GPHN: variants seen among roughly 807,000 people sequenced by gnomAD.
GPHN encodes the protein gephyrin.
In GPHN, 17 loss-of-function variants were observed where a neutral mutation model predicts 95.5. The observed-to-expected ratio is 0.18, with a 90% confidence interval of 0.12 to 0.27. The LOEUF (loss-of-function observed/expected upper bound fraction) is 0.27. GPHN is among the 10% of genes least tolerant of loss of function. GPHN has a pLI of 1.00. For missense variants in GPHN, 660 were observed against 978.1 expected (o/e 0.67, Z 4.34); for synonymous variants, 320 against 322.5 (o/e 0.99, Z 0.08).
chr14:67,019,853 A>G (rs1260595599), intron 9 of GPHN, among the ~76,000 whole-genome samples: 2 of 152,174 alleles, frequency 1.3e-5, no homozygotes, highest in African/African-American at 4.8e-5. Flanking sequence ...TAAAATAAGC[A>G]TGGTGATGGG....
At chr14:66,591,941 A>G (rs1203892154) in intron 1 of GPHN, among the ~76,000 whole-genome samples, 3 of 152,230 alleles carry the variant, frequency 2.0e-5, no homozygotes, top group Admixed American at 1.3e-4. Flanking sequence ...ACAGCATGTT[A>G]CTGGTACCAA....
chr14:67,422,902 G>A, the GPHN span, among the ~76,000 whole-genome samples: 345 of 149,820 alleles, frequency 2.3e-3, 2 homozygotes, highest in African/African-American at 8.2e-3. Context: ...TGCAATCTTG[G>A]CTCACTGCAA....
At chr14:67,575,001 G>A in the GPHN span, among the ~76,000 whole-genome samples, 9 of 152,180 alleles carry the variant, frequency 5.9e-5, no homozygotes. Flanking sequence ...CTTCGCCCGT[G>A]TGCAGCTTCT....
intron 4 of GPHN, among the ~76,000 whole-genome samples, chr14:66,828,099 T>C (rs903448423): frequency 3.3e-5 from 5 of 151,976 alleles, no homozygotes; most frequent in Admixed American, 1.3e-4. Context: ...ATTTACCTGA[T>C]TGTGAATAAC....
intron 2 of GPHN, among the ~76,000 whole-genome samples, chr14:66,747,611 TAA>T (rs35180294): frequency 5.4e-4 from 78 of 144,820 alleles, no homozygotes; most frequent in Admixed American, 8.2e-4. Context: ...TAGTACATTG[TAA>T]AAAAAAAAAA....
At chr14:67,533,173 A>T in the GPHN span, 1 of 151,178 alleles carries the variant, frequency 6.6e-6, no homozygotes, top group African/African-American at 2.4e-5. Flanking sequence ...CGGAGCGTTG[A>T]ATGGGGCGCA....
intron 1 of GPHN, among the ~76,000 whole-genome samples, chr14:66,560,842 A>G (rs905804691): frequency 6.6e-6 from 1 of 152,164 alleles, no homozygotes; most frequent in Non-Finnish European, 1.5e-5. Context: ...GAATGCTTCC[A>G]GTTTTTGCCC....
chr14:67,578,184 G>A, the GPHN span: 1 of 1,613,722 alleles, frequency 6.2e-7, no homozygotes, highest in Non-Finnish European at 8.5e-7. This position sits in a 1 kb window ranked among gnomAD's most constrained non-coding sequence, Gnocchi z 5.0. Flanking sequence ...CACCTCAGAA[G>A]TACTCCCTCA....
chr14:66,729,979 A>G (rs2071620078), intron 2 of GPHN, among the ~76,000 whole-genome samples: 2 of 152,348 alleles, frequency 1.3e-5, no homozygotes, highest in Middle Eastern at 3.4e-3. Flanking sequence ...ACTTTCATTT[A>G]TCAATGCCTA....
At chr14:67,605,516 C>T in the GPHN span, among the ~76,000 whole-genome samples, 5 of 152,200 alleles carry the variant, frequency 3.3e-5, no homozygotes, top group African/African-American at 1.2e-4. Flanking sequence ...GCTATTGTAC[C>T]CAGCCTTGCC....
At chr14:67,621,165 A>AAGGCAAGGAGGTAGAGTG in the GPHN span, among the ~76,000 whole-genome samples, 2 of 152,264 alleles carry the variant, frequency 1.3e-5, no homozygotes, top group Non-Finnish European at 1.5e-5. Context: ...AGTGTGTTGG[A>AAGGCAAGGAGGTAGAGTG]AGGCAAGGAG....
intron 3 of GPHN, among the ~76,000 whole-genome samples, chr14:66,809,663 T>C (rs369835253): frequency 6.6e-6 from 1 of 152,172 alleles, no homozygotes; most frequent in East Asian, 1.9e-4. Flanking sequence ...GCTCCTCCAA[T>C]TAAATAGTGT....
chr14:67,588,723 A>C, the GPHN span: 2 of 152,560 alleles, frequency 1.3e-5, no homozygotes, highest in Admixed American at 1.3e-4. Context: ...AAAGTGCTGA[A>C]AACTGTATAT....
intron 1 of GPHN, among the ~76,000 whole-genome samples, chr14:66,675,586 C>CT (rs556800032): frequency 6.6e-6 from 1 of 152,080 alleles, no homozygotes; most frequent in Non-Finnish European, 1.5e-5. Flanking sequence ...TGTTGATCTT[C>CT]TTTTTTTGCT....
At chr14:67,573,895 C>T in the GPHN span, 27 of 1,598,412 alleles carry the variant, frequency 1.7e-5, no homozygotes, top group Middle Eastern at 1.6e-4. The surrounding 1 kb of genome is among the most constrained non-coding windows in gnomAD (Gnocchi z 4.8). Context: ...CAGGTGAGCA[C>T]GCTCCTGGCT....
intron 2 of GPHN, among the ~76,000 whole-genome samples, chr14:66,774,505 T>C (rs955184157): frequency 6.6e-6 from 1 of 152,240 alleles, no homozygotes; most frequent in Non-Finnish European, 1.5e-5. Flanking sequence ...CTTGTCGTGC[T>C]TCTCAACGCA....
chr14:66,821,596 A>G (rs1161775051), intron 3 of GPHN, among the ~76,000 whole-genome samples: 3 of 152,256 alleles, frequency 2.0e-5, no homozygotes, highest in African/African-American at 7.2e-5. Flanking sequence ...TTCTTGTTAA[A>G]TGAATTAATG....
chr14:66,526,805 T>C (rs1440607291), intron 1 of GPHN, among the ~76,000 whole-genome samples: 1 of 152,200 alleles, frequency 6.6e-6, no homozygotes, highest in African/African-American at 2.4e-5. Flanking sequence ...TGAACCAGCA[T>C]TGCATCCCAG....
the GPHN span, among the ~76,000 whole-genome samples, chr14:67,293,977 GA>G: frequency 6.6e-6 from 1 of 152,078 alleles, no homozygotes; most frequent in Non-Finnish European, 1.5e-5. Context: ...AGGGAGAAAA[GA>G]AACAACTTAG....
Sources: allele counts gnomAD v4.1 joint callset (sites outside exome capture counted in the v4.1 genomes callset), GRCh38; gene constraint gnomAD v4.1.1; non-coding constraint Gnocchi (gnomAD v3.1); transcripts MANE v1.5; gene names NCBI Gene and HGNC (gene_info 2026-07-23, HGNC 2026-07-21).